The following SEMA3F variants were observed in gnomAD, a reference collection of about 807,000 sequenced individuals.
SEMA3F encodes the protein semaphorin 3F, also known as semaphorin-3F.
SEMA3F carries 30 observed loss-of-function variants against 98.5 expected under a neutral mutation model. The ratio of observed to expected loss-of-function variants is 0.30; its 90% CI spans 0.23 to 0.41. SEMA3F has a LOEUF of 0.41. Ranked by LOEUF, SEMA3F falls within the 10% of genes least tolerant of loss-of-function variation. The pLI is 1.00. For synonymous variants in SEMA3F, 380 were observed against 444.8 expected (o/e 0.85, Z 1.83); for missense variants, 866 against 1,119.3 (o/e 0.77, Z 3.23).
Position 50,186,607 on chromosome 3 carries a change from C to G in SEMA3F, c.1814-6C>G. ...CTGCTTTTGCTCAACCCCTCTCACT[C>G]TAAAGCCAACAAGAATGCCGTGGAG... is the stretch of plus-strand genomic sequence containing the variant. On this transcript the variant is annotated splice_polypyrimidine_tract_variant and splice_region_variant and intron_variant, in intron 17 of 18. Coordinates refer to ENST00000002829, the MANE Select transcript of SEMA3F (RefSeq NM_004186.5). The G allele has an allele frequency of 6.3e-7, 1 of 1,587,594 alleles. No individual in the cohort carries two copies. The highest frequency in any genetic ancestry group is 1.3e-5 in the African/African-American group (1 of 74,578).
chr3:50,155,065 C>G (rs1036164337), upstream of SEMA3F: 2 of 365,938 alleles, frequency 5.5e-6, no homozygotes, highest in Non-Finnish European at 1.0e-5. The surrounding 1 kb of genome is among the most constrained non-coding windows in gnomAD (Gnocchi z 4.9). Flanking sequence ...TCTGAGCGCC[C>G]CGTCCCGCCG....
chr3:50,177,357 T>G (rs1037513784), intron 7 of SEMA3F, among the ~76,000 whole-genome samples: 7 of 152,120 alleles, frequency 4.6e-5, no homozygotes, highest in African/African-American at 1.7e-4. Flanking sequence ...TGGGGGCTGT[T>G]CTCTGAGTAG....
At chr3:50,184,914 C>T in intron 13 of SEMA3F, 100 bp downstream of exon 13, 1 of 811,640 alleles carries the variant, frequency 1.2e-6, no homozygotes, top group Non-Finnish European at 2.0e-6. Flanking sequence ...TTGCTGCAAG[C>T]TCATCAGAGT....
In SEMA3F at chr3:50,155,475, C is replaced by G. The variant is rs1697937219; in HGVS notation, c.-138C>G. 1 of 309,376 alleles carries G rather than the reference C, an allele frequency of 3.2e-6. No homozygotes were observed. The highest frequency in any genetic ancestry group is 5.9e-6 in the Non-Finnish European group (1 of 169,870). The allele number at this position is 309,376 out of a possible 1,614,324, so 19.2% of individuals were successfully genotyped here. A position where few individuals can be genotyped will look rare whatever the true frequency, so the allele number is the denominator to read the frequency against. ...GAGGTCGCGGGCAGGGCCATGGCCC[C>G]GGGGGGCCGCTAGCGCGGACCGGCC... On this transcript the variant is annotated 5_prime_UTR_variant, in exon 1 of 19. Coordinates refer to ENST00000002829, the MANE Select transcript of SEMA3F (RefSeq NM_004186.5). This position sits in a 1 kb window ranked among gnomAD's most constrained non-coding sequence, Gnocchi z 4.9.
chr3:50,169,717 C>T (rs757990163), intron 2 of SEMA3F, among the ~76,000 whole-genome samples: 5 of 152,244 alleles, frequency 3.3e-5, no homozygotes, highest in Non-Finnish European at 5.9e-5. Context: ...CAGAGCCGGG[C>T]GTGGGACAAG....
intron 2 of SEMA3F, among the ~76,000 whole-genome samples, chr3:50,172,846 C>A (rs749130840): frequency 6.6e-6 from 1 of 152,160 alleles, no homozygotes; most frequent in Non-Finnish European, 1.5e-5. Flanking sequence ...GGCTCCATGC[C>A]AGAGTCTGCC....
Position 50,173,811 on chromosome 3 carries a change from C to T in SEMA3F, c.131C>T (p.Thr44Ile). 6.2e-7 allele frequency: 1 copy of T among 1,614,098 alleles called. No individual in the cohort carries two copies. Among genetic ancestry groups the T allele is most frequent in the Non-Finnish European group, 8.5e-7 (1 of 1,180,028 alleles). ...LSFKELKATG[T>I]AHFFNFLLNT... is the part of the protein sequence containing the mutation. The stretch of plus-strand genomic sequence containing the variant: ...CCCACAGAGCTGAAGGCCACAGGCA[C>T]CGCCCACTTCTTCAACTTCCTGCTC... Residue 44 changes from threonine (T) to isoleucine (I), a missense_variant, in exon 3 of 19, where the codon ACC becomes ATC. By Grantham distance (89) the Thr-to-Ile change is moderately conservative (BLOSUM62 -1). Transcript: ENST00000002829.
At chr3:50,187,651 T>C in intron 18 of SEMA3F, 54 bp from the exon 19 acceptor site, 1 of 1,478,482 alleles carries the variant, frequency 6.8e-7, no homozygotes, top group South Asian at 1.4e-5. Flanking sequence ...GGTTGCTGGC[T>C]AGGGCCATAG....
At chr3:50,167,191 A>C (rs1698436151) in intron 2 of SEMA3F, among the ~76,000 whole-genome samples, 1 of 152,192 alleles carries the variant, frequency 6.6e-6, no homozygotes, top group South Asian at 2.1e-4. Context: ...TCTCACAGGC[A>C]ACCATGCACA....
Position 50,188,137 on chromosome 3 carries a change from A to G in SEMA3F, c.*22A>G, listed in dbSNP as rs1699306740. On this transcript the variant is annotated 3_prime_UTR_variant, in exon 19 of 19. Coordinates refer to ENST00000002829, the MANE Select transcript of SEMA3F (RefSeq NM_004186.5). This position sits in a 1 kb window ranked among gnomAD's most constrained non-coding sequence, Gnocchi z 4.5. ...ATGAGGCCAGCTGCCTGTGCCTGCC[A>G]TGGGCCAGCCTAGCCCTTGTCCCTT... The G allele has an allele frequency of 5.6e-6, 8 of 1,434,950 alleles. No individual in the cohort carries two copies. The South Asian group carries it at 7.6e-5, about 14-fold the overall frequency. 88.9% of individuals were successfully genotyped at this position (1,434,950 alleles called of 1,614,324 possible). A position where few individuals can be genotyped will look rare whatever the true frequency, so the allele number is the denominator to read the frequency against.
intron 7 of SEMA3F, among the ~76,000 whole-genome samples, chr3:50,181,428 C>G (rs759450710): frequency 2.6e-5 from 4 of 151,260 alleles, no homozygotes; most frequent in Non-Finnish European, 5.9e-5. Context: ...TTTAAGGGAT[C>G]TTCCTGCCTC....
chr3:50,180,785 G>A (rs1405112186), intron 7 of SEMA3F, among the ~76,000 whole-genome samples: 1 of 152,172 alleles, frequency 6.6e-6, no homozygotes, highest in East Asian at 1.9e-4. Context: ...CCAAAATGTA[G>A]GCAAGGCGCG....
chr3:50,184,856 C>G, intron 13 of SEMA3F, 42 bp downstream of exon 13: 1 of 1,492,936 alleles, frequency 6.7e-7, no homozygotes, highest in African/African-American at 1.4e-5. Flanking sequence ...CTGGGCCCAC[C>G]GGGTGCGGGG....
At chr3:50,159,852 C>T in intron 2 of SEMA3F, 118 bp downstream of exon 2, 1 of 714,038 alleles carries the variant, frequency 1.4e-6, no homozygotes, top group Non-Finnish European at 2.4e-6. Context: ...TGTACAGCCA[C>T]ATAGGTTGTG....
At chr3:50,161,777 T>A (rs190120171) in intron 2 of SEMA3F, among the ~76,000 whole-genome samples, 1 of 152,292 alleles carries the variant, frequency 6.6e-6, no homozygotes, top group Admixed American at 6.5e-5. Flanking sequence ...GGATATCCAG[T>A]TGGTCAGGGC....
chr3:50,174,346 C>A lies in SEMA3F; in HGVS notation c.452C>A (p.Ala151Asp), dbSNP rs745746219. The part of the protein sequence containing the change: ...MCTYVNRGRR[A>D]QATPWTQTQA... ...ACCTATGTGAACCGCGGACGCCGCG[C>A]CCAGGTAAGCCCCAGCCACCCTGGC... is the stretch of plus-strand genomic sequence containing the variant. Residue 151 changes from alanine (A) to aspartate (D), a missense_variant, in exon 5 of 19, where the codon GCC becomes GAC. Physicochemically the swap from Ala to Asp is moderately radical, Grantham distance 126 (BLOSUM62 -2). This residue lies in a region of SEMA3F where 247 missense variants were observed against 276.0 expected (regional missense o/e 0.89). Transcript: ENST00000002829. The A allele has an allele frequency of 6.9e-5, 111 of 1,610,650 alleles. No homozygotes were observed. Among genetic ancestry groups the A allele is most frequent in the Non-Finnish European group, 9.3e-5 (110 of 1,178,590 alleles).
chr3:50,183,117 G>A, intron 10 of SEMA3F, 69 bp from the exon 11 acceptor site: 2 of 1,569,302 alleles, frequency 1.3e-6, no homozygotes, highest in South Asian at 2.2e-5. Context: ...CCTCCCCTGT[G>A]CAGGAGTGGG....
intron 4 of SEMA3F, 49 bp from the exon 5 acceptor site, chr3:50,174,182 G>C (rs1395844384): frequency 1.2e-5 from 19 of 1,613,876 alleles, no homozygotes; most frequent in Non-Finnish European, 1.6e-5. Flanking sequence ...CCCCCAGTGA[G>C]GGGGCAGGCC....
rs1439304543 is a variant in SEMA3F at position 50,156,737 on chromosome 3, G to C, written c.-49+1173G>C. 6.6e-6 allele frequency among the ~76,000 whole-genome samples: 1 copy of C among 152,214 alleles called. No homozygotes were observed. ...CTGCTGCTCCCCCTTCAGCTCCGAA[G>C]GAGCCAGGCCCGGAAGTGGGGAGGT... On this transcript the variant is annotated intron_variant, in intron 1 of 18. Transcript: ENST00000002829. The surrounding 1 kb of genome is among the most constrained non-coding windows in gnomAD (Gnocchi z 4.5).
Sources: allele counts gnomAD v4.1 joint callset (sites outside exome capture counted in the v4.1 genomes callset), GRCh38; gene constraint gnomAD v4.1.1; regional missense constraint gnomAD v4.1.1; non-coding constraint Gnocchi (gnomAD v3.1); transcripts MANE v1.5; gene names NCBI Gene and HGNC (gene_info 2026-07-23, HGNC 2026-07-21).